AKAP9: variants seen among roughly 807,000 people sequenced by gnomAD.
AKAP9 encodes A-kinase anchor protein 9.
Under a neutral mutation model 488.5 loss-of-function variants are expected in AKAP9, and 311 were observed. The ratio of observed to expected loss-of-function variants is 0.64; its 90% CI spans 0.58 to 0.70. The LOEUF (loss-of-function observed/expected upper bound fraction) is 0.70. AKAP9 is among the 30% of genes least tolerant of loss of function. The pLI is 0.00. For missense variants in AKAP9, 4,215 were observed against 4,374.5 expected, an observed-to-expected ratio of 0.96 and a Z score of 1.03; for synonymous variants, 1,462 against 1,483.5, an observed-to-expected ratio of 0.99 and a Z score of 0.33.
At chr7:92,045,461 T>TA (rs1230777104) in intron 21 of AKAP9, among the ~76,000 whole-genome samples, 4 of 152,218 alleles carry the variant, frequency 2.6e-5, no homozygotes, top group African/African-American at 9.6e-5. Context: ...AGAATGCTGT[T>TA]ACATTTCTCC....
At chr7:92,029,157 C>T (rs1286131015) in intron 14 of AKAP9, among the ~76,000 whole-genome samples, 2 of 150,546 alleles carry the variant, frequency 1.3e-5, no homozygotes, top group Non-Finnish European at 1.5e-5. Flanking sequence ...CTGATCTTAC[C>T]TTAGTTTTTA....
intron 21 of AKAP9, 115 bp from the exon 22 acceptor site, chr7:92,052,611 T>C (rs1330294637): frequency 8.4e-6 from 6 of 716,012 alleles, no homozygotes; most frequent in African/African-American, 3.6e-5. Context: ...TGCAATATTG[T>C]TTTAAAAGAC....
chr7:91,948,471 G>GT (rs57261145), intron 1 of AKAP9, among the ~76,000 whole-genome samples: 5 of 150,312 alleles, frequency 3.3e-5, no homozygotes, highest in East Asian at 2.0e-4. Flanking sequence ...TGTTTGTTTT[G>GT]TTTTTTTGTT....
In AKAP9 at chr7:92,078,062, CCTCGG is replaced by C. The variant is rs567205795; in HGVS notation, c.6945+191_6945+195del. On this transcript the variant is annotated intron_variant, in intron 30 of 49. Coordinates refer to ENST00000356239, the MANE Select transcript of AKAP9 (RefSeq NM_005751.5). ...CCCAGGCTGGAGTCCAATGGTGCAA[CCTCGG>C]CTCACTGCAACCTCCACCTCCTAGG... Among the ~76,000 whole-genome samples, 28 of 151,986 alleles carry C rather than the reference CCTCGG, an allele frequency of 1.8e-4. No individual in the cohort carries two copies. In the South Asian group the frequency reaches 5.4e-3, roughly 29 times the overall value.
Position 92,085,575 on chromosome 7 carries a change from T to C in AKAP9, c.8913T>C (p.His2971=). Residue 2971 remains histidine (H), a synonymous_variant, in exon 36 of 50, where the codon CAT becomes CAC. Coordinates refer to ENST00000356239, the MANE Select transcript of AKAP9 (RefSeq NM_005751.5). ...TESPYSDGED[H]SIQQVSEPWL... is the part of the protein sequence containing the mutation. Reference sequence around the variant, plus strand: ...CTCCCTATAGTGATGGAGAGGACCATTCTATTCAGCAGGTTTCAGAACCTT... The same window carrying C: ...CTCCCTATAGTGATGGAGAGGACCACTCTATTCAGCAGGTTTCAGAACCTT... The C allele has an allele frequency of 6.2e-7, 1 of 1,613,900 alleles. No homozygotes were observed. Among genetic ancestry groups the C allele is most frequent in the Non-Finnish European group, 8.5e-7 (1 of 1,179,848 alleles).
intron 3 of AKAP9, among the ~76,000 whole-genome samples, chr7:91,987,910 A>C (rs1385646528): frequency 6.6e-6 from 1 of 152,070 alleles, no homozygotes; most frequent in Non-Finnish European, 1.5e-5. Context: ...AGTAGCTCAC[A>C]CCTGTAATCT....
intron 39 of AKAP9, among the ~76,000 whole-genome samples, chr7:92,094,118 C>T (rs554519482): frequency 4.0e-5 from 6 of 151,868 alleles, no homozygotes; most frequent in East Asian, 3.9e-4. Context: ...CCCAAAGTGC[C>T]GGGATTACAG....
intron 22 of AKAP9, among the ~76,000 whole-genome samples, chr7:92,053,393 C>T (rs547551737): frequency 1.3e-5 from 2 of 152,228 alleles, no homozygotes; most frequent in East Asian, 1.9e-4. Context: ...TGATAAGCAA[C>T]GTGAAAAATG....
intron 31 of AKAP9, 44 bp from the exon 32 acceptor site, chr7:92,082,477 AT>A (rs144287689): frequency 8.2e-6 from 13 of 1,594,728 alleles, no homozygotes; most frequent in African/African-American, 4.0e-5. Flanking sequence ...ATTTAGCTAT[AT>A]TTTTTTTAAA....
intron 22 of AKAP9, among the ~76,000 whole-genome samples, chr7:92,057,286 T>C (rs1396193749): frequency 1.3e-5 from 2 of 152,154 alleles, no homozygotes; most frequent in Non-Finnish European, 2.9e-5. Context: ...TTGATTATTT[T>C]ATATACTTGA....
At position 92,017,167 on chromosome 7, in the gene AKAP9, T is replaced by C. The variant is rs1314533265; in HGVS notation, c.3837+65T>C. Reference sequence around the variant, plus strand: ...TTGTATTGTCTGCTTTTTTGTAAGCTGCTTTTATCAACCAAGAATTTCTAA... The same window carrying C: ...TTGTATTGTCTGCTTTTTTGTAAGCCGCTTTTATCAACCAAGAATTTCTAA... On this transcript the variant is annotated intron_variant, in intron 12 of 49. Coordinates refer to ENST00000356239, the MANE Select transcript of AKAP9 (RefSeq NM_005751.5). The C allele has an allele frequency of 4.8e-6, 6 of 1,252,096 alleles. No homozygotes were observed. In the Admixed American group the frequency reaches 9.9e-5, roughly 21 times the overall value. 77.6% of individuals were successfully genotyped at this position (1,252,096 alleles called of 1,614,324 possible).
intron 8 of AKAP9, among the ~76,000 whole-genome samples, chr7:92,011,758 T>C (rs1800777836): frequency 6.6e-6 from 1 of 152,166 alleles, no homozygotes; most frequent in South Asian, 2.1e-4. Flanking sequence ...TTAATAATAC[T>C]GAGTGAGCCT....
At chr7:91,995,130 T>TA in intron 6 of AKAP9, among the ~76,000 whole-genome samples, 1 of 152,378 alleles carries the variant, frequency 6.6e-6, no homozygotes, top group South Asian at 2.1e-4. Flanking sequence ...AAACTAAATA[T>TA]ATTCCATTTT....
At chr7:92,108,802 G>T in intron 49 of AKAP9, 169 bp downstream of exon 49, 1 of 808,062 alleles carries the variant, frequency 1.2e-6, no homozygotes, top group Non-Finnish European at 2.1e-6. Flanking sequence ...CAGAGAAACT[G>T]ACTTTAAATA....
chr7:92,101,970 A>G (rs1400181732), intron 45 of AKAP9, among the ~76,000 whole-genome samples: 2 of 152,036 alleles, frequency 1.3e-5, no homozygotes, highest in Non-Finnish European at 1.5e-5. Context: ...AGCCTGGCCA[A>G]CATGGTGAAA....
intron 1 of AKAP9, among the ~76,000 whole-genome samples, chr7:91,969,475 T>C (rs1275421409): frequency 1.3e-5 from 2 of 152,208 alleles, no homozygotes; most frequent in Non-Finnish European, 1.5e-5. Flanking sequence ...ATTTTCTCTT[T>C]GGATGATCTG....
At chr7:91,994,816 G>C in intron 6 of AKAP9, 40 bp downstream of exon 6, 1 of 1,559,836 alleles carries the variant, frequency 6.4e-7, no homozygotes, top group Non-Finnish European at 8.8e-7. Flanking sequence ...TATTTTTTTA[G>C]TAATGAATTT....
intron 45 of AKAP9, among the ~76,000 whole-genome samples, chr7:92,102,175 AAATAAATAAAT>A (rs1563150622): frequency 1.5e-5 from 2 of 136,302 alleles, no homozygotes; most frequent in Non-Finnish European, 3.0e-5. Context: ...AAAAAAAAAT[AAATAAATAAAT>A]AAATAAATAA....
chr7:92,033,442 C>CTTTTTTTTTTTTTTTTTTTTTTTTTTTTT (rs35497475), intron 16 of AKAP9, among the ~76,000 whole-genome samples: 1 of 107,374 alleles, frequency 9.3e-6, no homozygotes, highest in Admixed American at 1.0e-4. Flanking sequence ...CTTTTCTTTT[C>CTTTTTTTTTTTTTTTTTTTTTTTTTTTTT]TTTTTTTTTT....
Sources: gnomAD v4.1 joint callset for allele counts (sites outside exome capture counted in the v4.1 genomes callset) on GRCh38, gnomAD v4.1.1 for gene constraint, MANE v1.5 for transcripts, NCBI Gene and HGNC (gene_info 2026-07-23, HGNC 2026-07-21) for gene names.